Variants in KIAA1549L observed in about 807,000 individuals in gnomAD.
KIAA1549L encodes KIAA1549 like, also known as UPF0606 protein KIAA1549L.
In KIAA1549L, 88 loss-of-function variants were observed where a neutral mutation model predicts 160.7. The ratio of observed to expected loss-of-function variants is 0.55; its 90% confidence interval spans 0.46 to 0.65. The LOEUF is 0.65. KIAA1549L is among the 30% of genes least tolerant of loss of function. The pLI is 0.00. For synonymous variants in KIAA1549L, 950 were observed against 976.7 expected (o/e 0.97, Z 0.51); for missense variants, 2,258 against 2,437.5 (o/e 0.93, Z 1.55).
Position 33,589,873 on chromosome 11 carries a change from G to A in KIAA1549L, c.4567-1364G>A, listed in dbSNP as rs544714767. Among the ~76,000 whole-genome samples, 8 of 152,246 alleles carry A rather than the reference G, an allele frequency of 5.3e-5. No individual in the cohort carries two copies. The South Asian group carries it at 1.7e-3, about 32-fold the overall frequency. On this transcript the variant is annotated intron_variant, in intron 11 of 20. Coordinates refer to ENST00000658780, the MANE Select transcript of KIAA1549L (RefSeq NM_012194.3). ...ACATGTATACATATGTAACCTGCAT[G>A]TTTTGCACATGTACCCTAAAACTTA...
intron 1 of KIAA1549L, among the ~76,000 whole-genome samples, chr11:33,452,884 G>A (rs562729597): frequency 6.6e-6 from 1 of 152,310 alleles, no homozygotes; most frequent in East Asian, 1.9e-4. Flanking sequence ...GATGCAGGTT[G>A]TGGGACCAGT....
rs1852585159 is a variant in KIAA1549L at position 33,669,050 on chromosome 11, T to G, written c.*896T>G. ...AGATACATCAACTTTTACAAGAAAA[T>G]CTCTGTCTCTTCAACAATGATGTCC... On this transcript the variant is annotated 3_prime_UTR_variant, in exon 21 of 21. Coordinates refer to ENST00000658780, the MANE Select transcript of KIAA1549L (RefSeq NM_012194.3). 6.6e-6 allele frequency: 1 copy of G among 152,100 alleles called. No individual in the cohort carries two copies. The highest frequency in any genetic ancestry group is 2.4e-5 in the African/African-American group (1 of 41,408). 9.4% of individuals were successfully genotyped at this position (152,100 alleles called of 1,614,324 possible).
intron 1 of KIAA1549L, among the ~76,000 whole-genome samples, chr11:33,507,855 C>T (rs1444395155): frequency 6.6e-6 from 1 of 152,206 alleles, no homozygotes; most frequent in Non-Finnish European, 1.5e-5. Flanking sequence ...TGAATTCACT[C>T]TAGCTAGTTT....
intron 1 of KIAA1549L, among the ~76,000 whole-genome samples, chr11:33,431,691 C>T (rs565546709): frequency 2.0e-5 from 3 of 152,374 alleles, no homozygotes; most frequent in Middle Eastern, 6.8e-3. Flanking sequence ...CCCAGTGGAT[C>T]CCGCACCGGG....
intron 1 of KIAA1549L, among the ~76,000 whole-genome samples, chr11:33,485,591 A>G (rs924079034): frequency 2.0e-5 from 3 of 152,226 alleles, no homozygotes; most frequent in African/African-American, 7.2e-5. Context: ...GAATGACTAG[A>G]TAAAGCTAAT....
intron 1 of KIAA1549L, among the ~76,000 whole-genome samples, chr11:33,530,614 A>AC (rs1043344139): frequency 2.7e-5 from 4 of 150,294 alleles, no homozygotes; most frequent in African/African-American, 7.3e-5. Context: ...AGAGAGAAGA[A>AC]CCCCCCTAAG....
At chr11:33,571,429 A>T in intron 9 of KIAA1549L, among the ~76,000 whole-genome samples, 1 of 152,218 alleles carries the variant, frequency 6.6e-6, no homozygotes, top group East Asian at 1.9e-4. Context: ...CATTGCTATA[A>T]AGAAATATCT....
chr11:33,409,531 A>G (rs1850744116), intron 1 of KIAA1549L, among the ~76,000 whole-genome samples: 1 of 152,154 alleles, frequency 6.6e-6, no homozygotes, highest in African/African-American at 2.4e-5. Flanking sequence ...TTAATGTCAC[A>G]CACTGTGGAT....
At chr11:33,425,095 C>A (rs370101707) in intron 1 of KIAA1549L, among the ~76,000 whole-genome samples, 2 of 152,176 alleles carry the variant, frequency 1.3e-5, no homozygotes, top group East Asian at 3.9e-4. Context: ...CTCTTTATGT[C>A]TTATTTTATT....
intron 15 of KIAA1549L, among the ~76,000 whole-genome samples, chr11:33,614,188 T>C (rs2133338281): frequency 6.6e-6 from 1 of 152,224 alleles, no homozygotes; most frequent in East Asian, 1.9e-4. Flanking sequence ...CTAGTTTCTA[T>C]ATTTGATGAT....
At chr11:33,505,809 C>T (rs1209878156) in intron 1 of KIAA1549L, among the ~76,000 whole-genome samples, 3 of 152,148 alleles carry the variant, frequency 2.0e-5, no homozygotes, top group African/African-American at 7.2e-5. Context: ...ATTTTTGGCA[C>T]CTGGGAGTAT....
chr11:33,428,298 A>G (rs753895176), intron 1 of KIAA1549L, among the ~76,000 whole-genome samples: 40 of 152,008 alleles, frequency 2.6e-4, no homozygotes, highest in Non-Finnish European at 5.3e-4. Context: ...AACGTTTATA[A>G]TTTCCTGTTT....
At chr11:33,441,347 T>C (rs1447428395) in intron 1 of KIAA1549L, among the ~76,000 whole-genome samples, 2 of 151,904 alleles carry the variant, frequency 1.3e-5, no homozygotes, top group African/African-American at 4.8e-5. Flanking sequence ...TGGTTCCAAG[T>C]CTTTGCTATT....
At chr11:33,631,768 T>C (rs933120285) in intron 16 of KIAA1549L, among the ~76,000 whole-genome samples, 16 of 152,144 alleles carry the variant, frequency 1.1e-4, no homozygotes, top group Admixed American at 3.9e-4. Flanking sequence ...CACCTCCAAC[T>C]TCCATTAGTT....
At chr11:33,574,653 G>C in intron 9 of KIAA1549L, 49 bp from the exon 10 acceptor site, 1 of 1,551,940 alleles carries the variant, frequency 6.4e-7, no homozygotes, top group Non-Finnish European at 8.8e-7. Context: ...GTGATTGCAG[G>C]GTCCATGCAA....
chr11:33,448,210 T>G (rs1346806449), intron 1 of KIAA1549L, among the ~76,000 whole-genome samples: 3 of 152,218 alleles, frequency 2.0e-5, no homozygotes, highest in Admixed American at 6.5e-5. Flanking sequence ...AAGCCCCACA[T>G]GCATTAGGTA....
At chr11:33,402,175 C>T (rs1441363539) in intron 1 of KIAA1549L, among the ~76,000 whole-genome samples, 1 of 152,204 alleles carries the variant, frequency 6.6e-6, no homozygotes, top group Admixed American at 6.5e-5. Flanking sequence ...ACCTCACACT[C>T]AGCTGTCTCC....
At chr11:33,592,362 G>T (rs1262128569) in intron 12 of KIAA1549L, among the ~76,000 whole-genome samples, 1 of 152,088 alleles carries the variant, frequency 6.6e-6, no homozygotes, top group Non-Finnish European at 1.5e-5. Flanking sequence ...GATGGGAGAG[G>T]TTAGTTTAGA....
intron 17 of KIAA1549L, among the ~76,000 whole-genome samples, chr11:33,650,257 AC>A (rs1339361399): frequency 6.6e-6 from 1 of 152,128 alleles, no homozygotes; most frequent in Non-Finnish European, 1.5e-5. Flanking sequence ...GTAAATAAGT[AC>A]CCTTATAAGC....
Sources: allele counts gnomAD v4.1 joint callset (sites outside exome capture counted in the v4.1 genomes callset), GRCh38; gene constraint gnomAD v4.1.1; transcripts MANE v1.5; gene names NCBI Gene and HGNC (gene_info 2026-07-23, HGNC 2026-07-21).